The following GHR variants were observed in gnomAD, a reference collection of about 807,000 sequenced individuals.
The protein encoded by GHR is GH receptor.
Under a neutral mutation model 67.1 loss-of-function variants are expected in GHR, and 35 were observed. The observed-to-expected ratio is 0.52, with a 90% CI of 0.40 to 0.69. The LOEUF is 0.69. Ranked by LOEUF, GHR falls within the 30% of genes least tolerant of loss-of-function variation. The pLI is 0.00. For missense variants in GHR, 792 were observed against 764.6 expected, an observed-to-expected ratio of 1.04 and a Z score of -0.42; for synonymous variants, 272 against 269.1, an observed-to-expected ratio of 1.01 and a Z score of -0.10.
chr5:42,669,955 C>G (rs1171566804), intron 3 of GHR, among the ~76,000 whole-genome samples: 1 of 152,048 alleles, frequency 6.6e-6, no homozygotes, highest in Admixed American at 6.6e-5. Flanking sequence ...CTACCCAAAG[C>G]AATCTATAGA....
chr5:42,466,475 G>C (rs1351287484), intron 1 of GHR, among the ~76,000 whole-genome samples: 1 of 152,200 alleles, frequency 6.6e-6, no homozygotes, highest in Non-Finnish European at 1.5e-5. Flanking sequence ...CACTTAACCA[G>C]AAATACTAGA....
At chr5:42,710,704 A>G (rs935060679) in intron 6 of GHR, among the ~76,000 whole-genome samples, 1 of 152,066 alleles carries the variant, frequency 6.6e-6, no homozygotes, top group African/African-American at 2.4e-5. Context: ...GGCAATTATG[A>G]TTTTTCTAGG....
intron 2 of GHR, among the ~76,000 whole-genome samples, chr5:42,613,230 G>A (rs941904820): frequency 2.6e-5 from 4 of 152,034 alleles, no homozygotes; most frequent in Non-Finnish European, 5.9e-5. Flanking sequence ...ATCACTGACC[G>A]AGTTTGTAAT....
At chr5:42,603,726 G>T (rs572507518) in intron 2 of GHR, among the ~76,000 whole-genome samples, 127 of 152,306 alleles carry the variant, frequency 8.3e-4, no homozygotes, top group Middle Eastern at 6.8e-3. Flanking sequence ...GACAAAATGT[G>T]TGTTTAGGGA....
chr5:42,655,590 A>G (rs1580134763), intron 3 of GHR, among the ~76,000 whole-genome samples: 2 of 152,186 alleles, frequency 1.3e-5, no homozygotes, highest in South Asian at 4.1e-4. Context: ...TAATTTTTGA[A>G]CACATGATAC....
At chr5:42,548,422 C>A (rs1388521098) in intron 1 of GHR, 18 of 984,084 alleles carry the variant, frequency 1.8e-5, no homozygotes, top group Non-Finnish European at 2.2e-5. Context: ...GATCTGCTTG[C>A]ATATATGAGT....
intron 2 of GHR, among the ~76,000 whole-genome samples, chr5:42,614,257 C>T (rs1338584699): frequency 1.3e-5 from 2 of 151,850 alleles, no homozygotes; most frequent in Admixed American, 6.6e-5. Context: ...AGAAAGAAGC[C>T]TTTTTTAAAA....
intron 4 of GHR, among the ~76,000 whole-genome samples, chr5:42,691,097 A>T (rs147392799): frequency 1.5e-3 from 223 of 152,208 alleles, no homozygotes; most frequent in African/African-American, 5.2e-3. Context: ...CAGGCATCTT[A>T]TGCACACTCC....
intron 2 of GHR, among the ~76,000 whole-genome samples, chr5:42,602,209 CCAATATGCAATA>C (rs2112637305): frequency 6.6e-6 from 1 of 152,222 alleles, no homozygotes; most frequent in East Asian, 1.9e-4. Flanking sequence ...TAACAAATTT[CCAATATGCAATA>C]CAATATTATT....
intron 6 of GHR, among the ~76,000 whole-genome samples, chr5:42,707,758 T>TA (rs538067474): frequency 6.6e-6 from 1 of 151,950 alleles, no homozygotes; most frequent in Admixed American, 6.6e-5. Flanking sequence ...GTTTCTTGCA[T>TA]AAAAAACTCT....
At chr5:42,717,951 A>C in intron 8 of GHR, 101 bp from the exon 9 acceptor site, 1 of 707,462 alleles carries the variant, frequency 1.4e-6, no homozygotes, top group Non-Finnish European at 2.6e-6. Context: ...GAATATTTGG[A>C]AAAAGTAATA....
chr5:42,522,889 G>T (rs543760501), intron 1 of GHR, among the ~76,000 whole-genome samples: 64 of 152,216 alleles, frequency 4.2e-4, no homozygotes, highest in African/African-American at 1.4e-3. Context: ...AAAGCATCAG[G>T]ACCTATAATT....
intron 1 of GHR, among the ~76,000 whole-genome samples, chr5:42,458,153 T>C (rs1744337173): frequency 6.6e-6 from 1 of 152,204 alleles, no homozygotes; most frequent in African/African-American, 2.4e-5. Flanking sequence ...GGTTTTTAGA[T>C]TGATTGGACA....
At chr5:42,541,937 G>A (rs577034731) in intron 1 of GHR, among the ~76,000 whole-genome samples, 11 of 152,248 alleles carry the variant, frequency 7.2e-5, no homozygotes, top group East Asian at 1.9e-4. Flanking sequence ...AGTTTGAGAC[G>A]CCTATAAAAC....
At chr5:42,608,524 T>C (rs1381717579) in intron 2 of GHR, among the ~76,000 whole-genome samples, 1 of 152,124 alleles carries the variant, frequency 6.6e-6, no homozygotes, top group African/African-American at 2.4e-5. Context: ...ATGAGTGTCG[T>C]TTAGTGACAC....
At chr5:42,515,735 G>T (rs1264466673) in intron 1 of GHR, among the ~76,000 whole-genome samples, 2 of 152,198 alleles carry the variant, frequency 1.3e-5, no homozygotes, top group Non-Finnish European at 2.9e-5. Flanking sequence ...AAATTTAGTG[G>T]GTGGTCCAAC....
Position 42,719,591 on chromosome 5 carries a change from T to G in GHR, c.*167T>G. 1 of 686,590 alleles carries G rather than the reference T, an allele frequency of 1.5e-6. No homozygotes were observed. Among genetic ancestry groups the G allele is most frequent in the Non-Finnish European group, 2.6e-6 (1 of 380,696 alleles). 42.5% of individuals were successfully genotyped at this position (686,590 alleles called of 1,614,324 possible). A position where few individuals can be genotyped will look rare whatever the true frequency, so the allele number is the denominator to read the frequency against. On this transcript the variant is annotated 3_prime_UTR_variant, in exon 10 of 10. Transcript: ENST00000230882. ...ATGTTGAAATATGATGTTAAAAAAA[T>G]AAGAAGAATGCTTAATCAGATAGAT... is the stretch of plus-strand genomic sequence containing the variant.
intron 1 of GHR, among the ~76,000 whole-genome samples, chr5:42,540,608 C>T (rs1436413292): frequency 6.6e-6 from 1 of 152,158 alleles, no homozygotes; most frequent in Non-Finnish European, 1.5e-5. Context: ...CTTCACTCCC[C>T]CTTCCTGGGC....
chr5:42,523,906 C>A (rs932418365), intron 1 of GHR, among the ~76,000 whole-genome samples: 6 of 152,144 alleles, frequency 3.9e-5, no homozygotes, highest in African/African-American at 1.2e-4. Context: ...ACTTTTGCTT[C>A]TTCCTCATTT....
Sources: allele counts gnomAD v4.1 joint callset (sites outside exome capture counted in the v4.1 genomes callset), GRCh38; gene constraint gnomAD v4.1.1; transcripts MANE v1.5; gene names NCBI Gene and HGNC (gene_info 2026-07-23, HGNC 2026-07-21).